MAP6: variants seen among roughly 807,000 people sequenced by gnomAD.
MAP6 encodes the protein microtubule associated protein 6.
A neutral mutation model predicts 42.4 loss-of-function variants in MAP6; 26 were observed. The ratio of observed to expected loss-of-function variants is 0.61; its 90% CI spans 0.45 to 0.85. The LOEUF (loss-of-function observed/expected upper bound fraction) is 0.85, where lower values mean the gene tolerates loss of function less well. MAP6 is among the 40% of genes least tolerant of loss of function. MAP6 has a pLI of 0.00. For synonymous variants in MAP6, 418 were observed against 443.8 expected, an observed-to-expected ratio of 0.94 and a Z score of 0.73; for missense variants, 966 against 1,099.0, an observed-to-expected ratio of 0.88 and a Z score of 1.71.
intron 1 of MAP6, among the ~76,000 whole-genome samples, chr11:75,623,637 G>C (rs928649083): frequency 6.6e-6 from 1 of 152,146 alleles, no homozygotes; most frequent in Non-Finnish European, 1.5e-5. Context: ...TGCGTCCCTG[G>C]TGCCTGGTTT....
Position 75,668,187 on chromosome 11 carries a change from C to A in MAP6, c.183G>T (p.Ser61=). The A allele has an allele frequency of 3.2e-6, 4 of 1,241,460 alleles. No homozygotes were observed. The highest frequency in any genetic ancestry group is 2.8e-4 in the Middle Eastern group (1 of 3,600). 76.9% of individuals were successfully genotyped at this position (1,241,460 alleles called of 1,614,324 possible). A position where few individuals can be genotyped will look rare whatever the true frequency, so the allele number is the denominator to read the frequency against. ...QQAQPALAPP[S]ARAVAIETQP... is the part of the protein sequence containing the mutation. The stretch of plus-strand genomic sequence containing the variant: ...GCGTCTCTATGGCAACCGCGCGCGC[C>A]GAGGGGGGCGCGAGCGCCGGCTGCG... The change falls in exon 1 of 4, where the codon TCG becomes TCT. Residue 61 remains serine (S), a synonymous_variant. Transcript: ENST00000304771.
intron 3 of MAP6, among the ~76,000 whole-genome samples, chr11:75,589,181 C>T (rs188047158): frequency 7.9e-5 from 12 of 152,348 alleles, no homozygotes; most frequent in Admixed American, 2.6e-4. Flanking sequence ...GCTTATTTCC[C>T]TATAGCCAAG....
chr11:75,646,087 T>C (rs1393710022), intron 1 of MAP6, among the ~76,000 whole-genome samples: 1 of 151,658 alleles, frequency 6.6e-6, no homozygotes, highest in African/African-American at 2.4e-5. Flanking sequence ...AGTCCATACT[T>C]AGATGCATAA....
intron 3 of MAP6, among the ~76,000 whole-genome samples, chr11:75,593,434 G>A (rs1320006756): frequency 6.6e-6 from 1 of 152,208 alleles, no homozygotes; most frequent in Middle Eastern, 3.2e-3. Flanking sequence ...CACTGACATT[G>A]GATCCATACT....
At chr11:75,637,969 A>G (rs1259864368) in intron 1 of MAP6, among the ~76,000 whole-genome samples, 1 of 152,214 alleles carries the variant, frequency 6.6e-6, no homozygotes, top group Admixed American at 6.5e-5. Flanking sequence ...TAATGTTTTG[A>G]ATTAACAGGG....
intron 1 of MAP6, among the ~76,000 whole-genome samples, chr11:75,634,746 T>C (rs1943341798): frequency 6.6e-6 from 1 of 152,226 alleles, no homozygotes; most frequent in Non-Finnish European, 1.5e-5. Flanking sequence ...TAGAAAACCA[T>C]GCACGGGTTA....
intron 1 of MAP6, among the ~76,000 whole-genome samples, chr11:75,635,699 C>T (rs1590790606): frequency 1.3e-5 from 2 of 152,188 alleles, no homozygotes; most frequent in African/African-American, 2.4e-5. Flanking sequence ...TTCATTCCTT[C>T]GTGAGCCATA....
Position 75,667,812 on chromosome 11 carries a change from C to A in MAP6, c.558G>T (p.Ala186=). Residue 186 remains alanine (A), a synonymous_variant, in exon 1 of 4, where the codon GCG becomes GCT. Transcript: ENST00000304771. This position sits in a 1 kb window ranked among gnomAD's most constrained non-coding sequence, Gnocchi z 5.6. Reference sequence around the variant, plus strand: ...TGGGCGCCCCGAGAATGGGCGCCGACGCCTGGGAGGCCGCAGAGATCTGCA... The same window carrying A: ...TGGGCGCCCCGAGAATGGGCGCCGAAGCCTGGGAGGCCGCAGAGATCTGCA... ...KPVQISAASQ[A]SAPILGAPKR... is the part of the protein sequence containing the mutation. The A allele has an allele frequency of 7.6e-7, 1 of 1,317,264 alleles. No individual in the cohort carries two copies. The highest frequency in any genetic ancestry group is 9.7e-7 in the Non-Finnish European group (1 of 1,033,114). The allele number at this position is 1,317,264 out of a possible 1,614,324, so 81.6% of individuals were successfully genotyped here. A position where few individuals can be genotyped will look rare whatever the true frequency, so the allele number is the denominator to read the frequency against.
chr11:75,603,636 A>C, intron 3 of MAP6: 4 of 985,066 alleles, frequency 4.1e-6, no homozygotes, highest in Non-Finnish European at 4.8e-6. Context: ...CCTTATGTCA[A>C]ACTGCGATTT....
intron 1 of MAP6, among the ~76,000 whole-genome samples, chr11:75,616,441 T>C (rs1942995031): frequency 6.6e-6 from 1 of 152,226 alleles, no homozygotes; most frequent in Non-Finnish European, 1.5e-5. Context: ...ACATGTTAAG[T>C]CTCCGTTCAA....
intron 3 of MAP6, among the ~76,000 whole-genome samples, chr11:75,599,336 G>A (rs1942630699): frequency 6.6e-6 from 1 of 152,126 alleles, no homozygotes; most frequent in African/African-American, 2.4e-5. Context: ...GCTCAAAATG[G>A]CAGTCTCAGA....
intron 3 of MAP6, among the ~76,000 whole-genome samples, chr11:75,601,582 G>C (rs1942663914): frequency 6.6e-6 from 1 of 152,064 alleles, no homozygotes; most frequent in Non-Finnish European, 1.5e-5. Context: ...AGGGCTCCTA[G>C]CTTAGAGCAA....
chr11:75,608,132 C>A lies in MAP6; in HGVS notation c.1096G>T (p.Glu366Ter). 1 of 1,613,992 alleles carries A rather than the reference C, an allele frequency of 6.2e-7. No homozygotes were observed. Among genetic ancestry groups the A allele is most frequent in the Non-Finnish European group, 8.5e-7 (1 of 1,180,042 alleles). The change falls in exon 2 of 4, where the codon GAA becomes TAA. Residue 366 changes from glutamate to a stop codon, truncating the protein, a stop_gained. Coordinates refer to ENST00000304771, the MANE Select transcript of MAP6 (RefSeq NM_033063.2). LOFTEE classifies it high-confidence loss of function. ...DRRRIRSLYS[E>*]PFKEPPKVEK... ...ACCTTTGGGGGTTCCTTGAAGGGTT[C>A]GCTGTAGAGGCTGCGTATTCTTCTG... is the stretch of plus-strand genomic sequence containing the variant.
chr11:75,604,092 T>C (rs1942714848), intron 3 of MAP6: 1 of 985,794 alleles, frequency 1.0e-6, no homozygotes, highest in Admixed American at 6.1e-5. Context: ...CAGCATTTTC[T>C]ACCTTCCTTC....
intron 2 of MAP6, 91 bp downstream of exon 2, chr11:75,608,018 C>G: frequency 7.7e-7 from 1 of 1,294,482 alleles, no homozygotes; most frequent in Non-Finnish European, 1.1e-6. Context: ...GGAGGCTGGG[C>G]CAGATTTGAC....
intron 1 of MAP6, among the ~76,000 whole-genome samples, chr11:75,637,808 A>G: frequency 7.9e-6 from 1 of 127,244 alleles, no homozygotes; most frequent in Non-Finnish European, 1.6e-5. Context: ...AGAAAGGGAG[A>G]GAGGGAGGGA....
At chr11:75,640,825 C>T (rs1943454954) in intron 1 of MAP6, among the ~76,000 whole-genome samples, 1 of 152,164 alleles carries the variant, frequency 6.6e-6, no homozygotes, top group African/African-American at 2.4e-5. Context: ...ATTAAAAAGT[C>T]AGGAAACAAC....
intron 1 of MAP6, among the ~76,000 whole-genome samples, chr11:75,613,554 G>A (rs638830): frequency 0.091 from 13,896 of 152,156 alleles, 653 homozygotes; most frequent in East Asian, 0.13. Context: ...AGAAATCACA[G>A]GGACAGGGTG....
intron 1 of MAP6, among the ~76,000 whole-genome samples, chr11:75,661,005 G>A (rs2135696594): frequency 6.6e-6 from 1 of 150,528 alleles, no homozygotes; most frequent in South Asian, 2.1e-4. Context: ...ATAAATATTA[G>A]GTATGAAAAA....
Sources: allele counts gnomAD v4.1 joint callset (sites outside exome capture counted in the v4.1 genomes callset), GRCh38; gene constraint gnomAD v4.1.1; non-coding constraint Gnocchi (gnomAD v3.1); transcripts MANE v1.5; gene names NCBI Gene and HGNC (gene_info 2026-07-23, HGNC 2026-07-21).